TBC1D1: variants seen among roughly 807,000 people sequenced by gnomAD.
The protein encoded by TBC1D1 is TBC1 (tre-2/USP6, BUB2, cdc16) domain family, member 1.
TBC1D1 carries 89 observed loss-of-function variants against 125.6 expected under a neutral mutation model. The observed-to-expected ratio is 0.71, with a 90% CI of 0.60 to 0.85. The LOEUF is 0.85. Ranked by LOEUF, TBC1D1 falls within the 40% of genes least tolerant of loss-of-function variation. TBC1D1 has a pLI of 0.00. For synonymous variants in TBC1D1, 565 were observed against 564.1 expected (o/e 1.00, Z -0.02); for missense variants, 1,377 against 1,469.2 (o/e 0.94, Z 1.03).
intron 1 of TBC1D1, among the ~76,000 whole-genome samples, chr4:37,896,545 G>C (rs1714667241): frequency 6.6e-6 from 1 of 152,112 alleles, no homozygotes; most frequent in Non-Finnish European, 1.5e-5. Flanking sequence ...CCAGATTTTA[G>C]AGATGGAAGA....
chr4:37,901,622 C>T (rs1322856928), intron 1 of TBC1D1, among the ~76,000 whole-genome samples: 2 of 58,380 alleles, frequency 3.4e-5, no homozygotes, highest in Non-Finnish European at 4.0e-5. Context: ...ACTACCTGGG[C>T]GAGTCTTTTA....
At chr4:37,933,056 CA>C (rs59808298) in intron 2 of TBC1D1, among the ~76,000 whole-genome samples, 1 of 146,858 alleles carries the variant, frequency 6.8e-6, no homozygotes, top group Non-Finnish European at 1.5e-5. Flanking sequence ...CATTTAAAAA[CA>C]AAAAAACAAA....
At chr4:37,982,909 G>A (rs1454950790) in intron 2 of TBC1D1, among the ~76,000 whole-genome samples, 1 of 152,164 alleles carries the variant, frequency 6.6e-6, no homozygotes, top group Non-Finnish European at 1.5e-5. Flanking sequence ...AGGGCAGGTT[G>A]TGCCAGGCAG....
At chr4:37,961,452 A>T (rs767245862) in intron 2 of TBC1D1, among the ~76,000 whole-genome samples, 5 of 152,240 alleles carry the variant, frequency 3.3e-5, no homozygotes, top group Admixed American at 2.6e-4. Flanking sequence ...ACTAACACTG[A>T]TTATCTTAAA....
intron 2 of TBC1D1, among the ~76,000 whole-genome samples, chr4:37,921,757 G>A (rs1049756802): frequency 2.6e-5 from 4 of 151,632 alleles, no homozygotes; most frequent in African/African-American, 9.7e-5. Context: ...TGGGGGCTAG[G>A]GTGTCATGAG....
intron 13 of TBC1D1, 83 bp downstream of exon 15, chr4:38,090,200 T>C (rs1458158043): frequency 2.2e-6 from 3 of 1,367,336 alleles, no homozygotes; most frequent in Non-Finnish European, 3.1e-6. Flanking sequence ...GCATGCTGTC[T>C]TAAAAATACA....
intron 15 of TBC1D1, among the ~76,000 whole-genome samples, chr4:38,106,828 G>C (rs1457753280): frequency 6.6e-6 from 1 of 152,176 alleles, no homozygotes; most frequent in African/African-American, 2.4e-5. Flanking sequence ...CGAAGGCACT[G>C]TGTGTGCCTG....
intron 2 of TBC1D1, among the ~76,000 whole-genome samples, chr4:37,943,942 T>C (rs1251432086): frequency 1.3e-5 from 2 of 152,218 alleles, no homozygotes; most frequent in Admixed American, 6.5e-5. Flanking sequence ...TTTTCTGCTC[T>C]GTTTTTTCCC....
chr4:37,901,069 C>T (rs941582237), intron 1 of TBC1D1, among the ~76,000 whole-genome samples: 6 of 108,132 alleles, frequency 5.5e-5, no homozygotes, highest in Admixed American at 8.7e-5. Flanking sequence ...GAGACTCTGT[C>T]TCAAAAAAAA....
intron 11 of TBC1D1, 146 bp downstream of exon 12, chr4:38,052,206 T>TGC: frequency 1.8e-6 from 1 of 555,378 alleles, no homozygotes; most frequent in Non-Finnish European, 3.0e-6. Context: ...CGCGCGCGTG[T>TGC]GTGTCTTTGT....
chr4:37,961,154 A>G, intron 2 of TBC1D1: 1 of 1,151,736 alleles, frequency 8.7e-7, no homozygotes, highest in South Asian at 1.4e-5. Flanking sequence ...CTTTATGTGC[A>G]TCTGTCTCAG....
At chr4:38,114,428 G>A (rs1244837649) in intron 15 of TBC1D1, among the ~76,000 whole-genome samples, 2 of 152,214 alleles carry the variant, frequency 1.3e-5, no homozygotes, top group Non-Finnish European at 2.9e-5. Flanking sequence ...AGCTGAGGAA[G>A]AGCCCATGAA....
intron 2 of TBC1D1, among the ~76,000 whole-genome samples, chr4:37,912,599 A>G (rs999567592): frequency 2.6e-5 from 4 of 152,214 alleles, no homozygotes; most frequent in African/African-American, 7.2e-5. Context: ...TTAACGACCA[A>G]TGTAATAGTA....
Position 38,051,872 on chromosome 4 carries a change from C to G in TBC1D1, c.1910+1974C>G, listed in dbSNP as rs1053257567. ...CGGCGCCCCCTCTCCTGCTAACCCCCCCGTGCTTTCTCTGATTGCTGTTTA... is the reference window on the plus strand; with the variant it reads ...CGGCGCCCCCTCTCCTGCTAACCCCGCCGTGCTTTCTCTGATTGCTGTTTA... On this transcript the variant is annotated intron_variant, in intron 11 of 19. Coordinates refer to ENST00000261439, the MANE Select transcript of TBC1D1 (RefSeq NM_015173.4). 20 of 1,544,068 alleles carry G rather than the reference C, an allele frequency of 1.3e-5. No individual in the cohort carries two copies. In the African/African-American group the frequency reaches 1.6e-4, roughly 13 times the overall value.
At chr4:38,110,275 G>C (rs1761991595) in intron 15 of TBC1D1, 4 of 985,098 alleles carry the variant, frequency 4.1e-6, no homozygotes, top group East Asian at 2.3e-4. Context: ...ATCTCTTGAG[G>C]GGCTTGTGAA....
At chr4:37,968,645 C>A (rs1341389209) in intron 2 of TBC1D1, among the ~76,000 whole-genome samples, 1 of 152,124 alleles carries the variant, frequency 6.6e-6, no homozygotes, top group African/African-American at 2.4e-5. Context: ...CTTCATGAAC[C>A]AATTTATTGA....
At chr4:38,077,045 TC>T (rs1755717372) in intron 12 of TBC1D1, among the ~76,000 whole-genome samples, 1 of 152,226 alleles carries the variant, frequency 6.6e-6, no homozygotes, top group South Asian at 2.1e-4. Context: ...TAATAGCTGT[TC>T]CTTCTACCTC....
intron 14 of TBC1D1, among the ~76,000 whole-genome samples, chr4:38,101,372 C>G (rs1414603006): frequency 6.6e-6 from 1 of 152,202 alleles, no homozygotes. Context: ...TTGCTCTCCC[C>G]CTTTCCACCT....
intron 2 of TBC1D1, among the ~76,000 whole-genome samples, chr4:37,990,582 C>A (rs538348331): frequency 6.6e-6 from 1 of 152,140 alleles, no homozygotes; most frequent in African/African-American, 2.4e-5. Flanking sequence ...AGCCTTCTTA[C>A]GGTTCCAGAA....
Sources: allele counts gnomAD v4.1 joint callset (sites outside exome capture counted in the v4.1 genomes callset), GRCh38; gene constraint gnomAD v4.1.1; transcripts MANE v1.5; gene names NCBI Gene and HGNC (gene_info 2026-07-23, HGNC 2026-07-21).